The following MACC1 variants were observed in gnomAD, a reference collection of about 807,000 sequenced individuals.
The protein encoded by MACC1 is MET transcriptional regulator MACC1.
MACC1 carries 79 observed loss-of-function variants against 70.7 expected under a neutral mutation model. The ratio of observed to expected loss-of-function variants is 1.12; its 90% confidence interval spans 0.93 to 1.35. The LOEUF is 1.35. MACC1 is among the 40% of genes most tolerant of loss of function. The pLI is 0.00. For missense variants in MACC1, 1,106 were observed against 978.1 expected (o/e 1.13, Z -1.74); for synonymous variants, 361 against 347.2 (o/e 1.04, Z -0.44).
At position 20,137,883 on chromosome 7, in the gene MACC1, T is replaced by C. The variant is rs1781738615; in HGVS notation, c.*3063A>G. 6.6e-6 allele frequency: 1 copy of C among 152,176 alleles called. No individual in the cohort carries two copies. Among genetic ancestry groups the C allele is most frequent in the South Asian group, 2.1e-4 (1 of 4,826 alleles). The allele number at this position is 152,176 out of a possible 1,614,324, so 9.4% of individuals were successfully genotyped here. On this transcript the variant is annotated 3_prime_UTR_variant, in exon 7 of 7. Coordinates refer to ENST00000400331, the MANE Select transcript of MACC1 (RefSeq NM_182762.4). ...AATTCCTCTGGAAGGCTGGGAGCAG[T>C]GGCTCATGCCTGTAATCCTAGCACT...
At chr7:20,200,070 T>C (rs1308494946) in intron 1 of MACC1, among the ~76,000 whole-genome samples, 1 of 151,924 alleles carries the variant, frequency 6.6e-6, no homozygotes, top group Non-Finnish European at 1.5e-5. Context: ...TATACATACA[T>C]ATATATGTAT....
intron 1 of MACC1, among the ~76,000 whole-genome samples, chr7:20,213,341 T>C (rs1783025543): frequency 6.6e-6 from 1 of 152,226 alleles, no homozygotes; most frequent in South Asian, 2.1e-4. Context: ...TGTAAATTAG[T>C]TCAGCCATTG....
At chr7:20,187,366 C>T (rs1337295647) in intron 1 of MACC1, among the ~76,000 whole-genome samples, 1 of 152,028 alleles carries the variant, frequency 6.6e-6, no homozygotes, top group Non-Finnish European at 1.5e-5. Context: ...TTGTGGTAAA[C>T]TCTAATATGA....
chr7:20,143,274 C>CA (rs1562579409), intron 6 of MACC1, among the ~76,000 whole-genome samples: 1 of 152,126 alleles, frequency 6.6e-6, no homozygotes, highest in Non-Finnish European at 1.5e-5. Flanking sequence ...ACAGGTGATG[C>CA]AAAAAATAGA....
At chr7:20,207,496 T>C (rs1181561322) in intron 1 of MACC1, among the ~76,000 whole-genome samples, 1 of 152,124 alleles carries the variant, frequency 6.6e-6, no homozygotes, top group Non-Finnish European at 1.5e-5. Context: ...CTCTATAATA[T>C]GGTGAAACGC....
At chr7:20,193,351 T>C (rs1300774039) in intron 1 of MACC1, among the ~76,000 whole-genome samples, 1 of 152,218 alleles carries the variant, frequency 6.6e-6, no homozygotes, top group Non-Finnish European at 1.5e-5. Context: ...GTTTATAATG[T>C]GACTAAGTGC....
intron 1 of MACC1, among the ~76,000 whole-genome samples, chr7:20,176,272 T>C (rs907271302): frequency 6.6e-6 from 1 of 152,098 alleles, no homozygotes; most frequent in African/African-American, 2.4e-5. Flanking sequence ...ACAATCTTCA[T>C]CAATTATACC....
At chr7:20,192,197 T>A (rs1177697057) in intron 1 of MACC1, among the ~76,000 whole-genome samples, 2 of 152,172 alleles carry the variant, frequency 1.3e-5, no homozygotes, top group African/African-American at 4.8e-5. Flanking sequence ...ATATCTTTAT[T>A]ATTCTTTCAA....
chr7:20,185,696 T>TG, intron 1 of MACC1, among the ~76,000 whole-genome samples: 1 of 152,322 alleles, frequency 6.6e-6, no homozygotes, highest in Admixed American at 6.5e-5. Context: ...AGGACGAGAC[T>TG]GTCCAATGTA....
rs2128102902 is a variant in MACC1, at chr7:20,160,062, G to T, written c.299C>A (p.Pro100His). ...RNNISILKED[P>H]FLFCREIENG... ...TTCTATTTCTCTACAGAAAAGAAAA[G>T]GATCTTCCTTTAAGATGGAAATATT... is the stretch of plus-strand genomic sequence containing the variant. The change falls in exon 5 of 7, where the codon CCT (proline) becomes CAT (histidine). Residue 100 changes from proline to histidine, a missense_variant. Pro to His is a moderately conservative substitution (Grantham distance 77). Transcript: ENST00000400331. 2 of 1,609,902 alleles carry T rather than the reference G, an allele frequency of 1.2e-6. No individual in the cohort carries two copies. The highest frequency in any genetic ancestry group is 1.3e-5 in the African/African-American group (1 of 74,664).
Position 20,159,309 on chromosome 7 carries a change from T to A in MACC1, c.1052A>T (p.Gln351Leu). Residue 351 changes from glutamine (Q) to leucine (L), a missense_variant, in exon 5 of 7, where the codon CAA (glutamine) becomes CTA (leucine). Physicochemically the swap from Gln to Leu is moderately radical, Grantham distance 113. Coordinates refer to ENST00000400331, the MANE Select transcript of MACC1 (RefSeq NM_182762.4). Reference protein sequence around the residue: ...SQVMYLVVAAQAKALPSPAAT... With the variant: ...SQVMYLVVAALAKALPSPAAT... ...AGCTGGTGACGGAAGAGCTTTAGCT[T>A]GTGCAGCAACCACTAGATACATTAC... 1.2e-6 allele frequency: 2 copies of A among 1,614,076 alleles called. No individual in the cohort carries two copies. Among genetic ancestry groups the A allele is most frequent in the Non-Finnish European group, 1.7e-6 (2 of 1,179,992 alleles).
At position 20,142,926 on chromosome 7, in the gene MACC1, C is replaced by G. The variant is rs540260229; in HGVS notation, c.2347-1768G>C. ...GTTCTAAGTCTGCTAGTGATTGAGTCTGATAAATGATGTATTTGAAGATAT... is the reference window on the plus strand; with the variant it reads ...GTTCTAAGTCTGCTAGTGATTGAGTGTGATAAATGATGTATTTGAAGATAT... On this transcript the variant is annotated intron_variant, in intron 6 of 6. Coordinates refer to ENST00000400331, the MANE Select transcript of MACC1 (RefSeq NM_182762.4). Among the ~76,000 whole-genome samples the G allele has an allele frequency of 3.9e-5, 6 of 152,292 alleles. No homozygotes were observed. In the East Asian group the frequency reaches 1.2e-3, roughly 29 times the overall value.
intron 6 of MACC1, among the ~76,000 whole-genome samples, chr7:20,144,247 A>G (rs1025281947): frequency 3.9e-5 from 6 of 152,240 alleles, no homozygotes; most frequent in Admixed American, 3.9e-4. Flanking sequence ...TCTTGCTTTT[A>G]GAAGCTTATA....
At chr7:20,205,873 T>C (rs1782904148) in intron 1 of MACC1, among the ~76,000 whole-genome samples, 1 of 152,128 alleles carries the variant, frequency 6.6e-6, no homozygotes, top group African/African-American at 2.4e-5. Context: ...ATGTGAACAC[T>C]GTTTCCATGT....
chr7:20,141,208 G>C lies in MACC1; in HGVS notation c.2347-50C>G, dbSNP rs1259255719. The C allele has an allele frequency of 5.4e-6, 7 of 1,298,962 alleles. No homozygotes were observed. The African/African-American group carries it at 1.0e-4, about 19-fold the overall frequency. 80.5% of individuals were successfully genotyped at this position (1,298,962 alleles called of 1,614,324 possible). Reference sequence around the variant, plus strand: ...AGTAGTGTGGAAGTAGAAAGGAGAGGAAAATCGTTTTTAAAAAAAAGATGT... The same window carrying C: ...AGTAGTGTGGAAGTAGAAAGGAGAGCAAAATCGTTTTTAAAAAAAAGATGT... On this transcript the variant is annotated intron_variant, in intron 6 of 6. Coordinates refer to ENST00000400331, the MANE Select transcript of MACC1 (RefSeq NM_182762.4).
chr7:20,142,587 A>G (rs1781822460), intron 6 of MACC1, among the ~76,000 whole-genome samples: 1 of 152,172 alleles, frequency 6.6e-6, no homozygotes, highest in African/African-American at 2.4e-5. Context: ...CTGCTCATCT[A>G]TATTTCTGAA....
At chr7:20,152,291 GC>G (rs1781991280) in intron 6 of MACC1, among the ~76,000 whole-genome samples, 1 of 151,990 alleles carries the variant, frequency 6.6e-6, no homozygotes, top group Non-Finnish European at 1.5e-5. Flanking sequence ...TTATCTCCCT[GC>G]CCCAGTGCAC....
At chr7:20,196,580 C>T (rs12154325) in intron 1 of MACC1, among the ~76,000 whole-genome samples, 12,546 of 151,654 alleles carry the variant, frequency 0.083, 681 homozygotes, top group Admixed American at 0.14. Context: ...CGGGTGCGGC[C>T]GGCCCATTTT....
chr7:20,161,703 C>A, intron 4 of MACC1, 45 bp downstream of exon 4: 2 of 1,171,452 alleles, frequency 1.7e-6, no homozygotes, highest in Non-Finnish European at 2.5e-6. Context: ...TGATGAATTT[C>A]ATATACTTAC....
Sources: allele counts gnomAD v4.1 joint callset (sites outside exome capture counted in the v4.1 genomes callset), GRCh38; gene constraint gnomAD v4.1.1; transcripts MANE v1.5; gene names NCBI Gene and HGNC (gene_info 2026-07-23, HGNC 2026-07-21).